NUP153: variants seen among roughly 807,000 people sequenced by gnomAD.
NUP153 encodes the protein nucleoporin 153, also known as nuclear pore complex protein Nup153.
Under a neutral mutation model 134.6 loss-of-function variants are expected in NUP153, and 27 were observed. The ratio of observed to expected loss-of-function variants is 0.20; its 90% CI spans 0.15 to 0.28. The LOEUF is 0.28. Ranked by LOEUF, NUP153 falls within the 10% of genes least tolerant of loss-of-function variation. The pLI is 1.00. For missense variants in NUP153, 1,821 were observed against 1,731.3 expected (o/e 1.05, Z -0.92); for synonymous variants, 640 against 623.5 (o/e 1.03, Z -0.40).
In NUP153 at chr6:17,632,717, A is replaced by G. The variant is rs1765320685; in HGVS notation, c.2592T>C (p.Asn864=). Residue 864 remains asparagine, a synonymous_variant, in exon 17 of 22, where the codon AAT becomes AAC. Transcript: ENST00000262077. ...SWDCELCLVQ[N]KADSTKCLAC... Reference sequence around the variant, plus strand: ...CCAAACATTTGGTAGAGTCTGCCTTATTCTGCACTAGGCACAATTCACAGT... The same window carrying G: ...CCAAACATTTGGTAGAGTCTGCCTTGTTCTGCACTAGGCACAATTCACAGT... 1 of 1,613,826 alleles carries G rather than the reference A, an allele frequency of 6.2e-7. No individual in the cohort carries two copies. Among genetic ancestry groups the G allele is most frequent in the South Asian group, 1.1e-5 (1 of 91,082 alleles).
chr6:17,696,335 G>A (rs938363463), intron 1 of NUP153, among the ~76,000 whole-genome samples: 1 of 152,166 alleles, frequency 6.6e-6, no homozygotes, highest in East Asian at 1.9e-4. Flanking sequence ...TTACTACCAA[G>A]GAAGGCCCAA....
chr6:17,628,957 C>T lies in NUP153; in HGVS notation c.3242G>A (p.Gly1081Glu). The part of the protein sequence containing the change: ...KKEEMPATKG[G>E]FSFGNVEPAS... ...AGGCTCCACGTTGCCAAAAGAGAAT[C>T]CTCCTTTGGTGGCAGGCATTTCTTC... Residue 1081 changes from glycine (G) to glutamate (E), a missense_variant, in exon 18 of 22, where the codon GGA becomes GAA. By Grantham distance (98) the Gly-to-Glu change is moderately conservative. Coordinates refer to ENST00000262077, the MANE Select transcript of NUP153 (RefSeq NM_005124.4). This position sits in a 1 kb window ranked among gnomAD's most constrained non-coding sequence, Gnocchi z 5.4. 1 of 1,614,126 alleles carries T rather than the reference C, an allele frequency of 6.2e-7. No homozygotes were observed. The highest frequency in any genetic ancestry group is 2.2e-5 in the East Asian group (1 of 44,880).
At chr6:17,649,988 G>C (rs1297223282) in intron 11 of NUP153, among the ~76,000 whole-genome samples, 4 of 152,126 alleles carry the variant, frequency 2.6e-5, no homozygotes, top group Non-Finnish European at 4.4e-5. Context: ...GAGGAGTCTG[G>C]AGAGCCACTT....
chr6:17,669,460 C>T lies in NUP153; in HGVS notation c.939G>A (p.Gln313=). Residue 313 remains glutamine, a synonymous_variant, in exon 6 of 22, where the codon CAG becomes CAA. Transcript: ENST00000262077. ...VTSSTARRIL[Q]SLEKMSSPLA... ...AAGGGCTTGACATCTTCTCTAAAGA[C>T]TGCAATATTCGCCGAGCTGTTGAAC... The T allele has an allele frequency of 6.2e-7, 1 of 1,613,962 alleles. No individual in the cohort carries two copies. Among genetic ancestry groups the T allele is most frequent in the East Asian group, 2.2e-5 (1 of 44,878 alleles).
At chr6:17,664,230 G>A (rs184779224) in intron 9 of NUP153, among the ~76,000 whole-genome samples, 1 of 152,274 alleles carries the variant, frequency 6.6e-6, no homozygotes, top group Admixed American at 6.5e-5. Context: ...CAAAGGGTGG[G>A]AGAGATGGTA....
chr6:17,632,502 AC>A, intron 17 of NUP153, 147 bp downstream of exon 17: 1 of 592,246 alleles, frequency 1.7e-6, no homozygotes, highest in Non-Finnish European at 2.8e-6. Context: ...AACAGATATA[AC>A]TAAAACATCT....
chr6:17,626,183 GAAAC>G lies in NUP153; in HGVS notation c.3545-23_3545-20del. The stretch of plus-strand genomic sequence containing the variant: ...CCTTGATCTGTAAGACAGAAATTAA[GAAAC>G]AAACATAAATCCTTAAGAATAGTCT... On this transcript the variant is annotated intron_variant, in intron 18 of 21. Coordinates refer to ENST00000262077, the MANE Select transcript of NUP153 (RefSeq NM_005124.4). The G allele has an allele frequency of 6.4e-7, 1 of 1,571,106 alleles. No individual in the cohort carries two copies. The highest frequency in any genetic ancestry group is 8.7e-7 in the Non-Finnish European group (1 of 1,146,856).
In NUP153 at chr6:17,625,994, C is replaced by G; in HGVS notation, c.3715G>C (p.Ala1239Pro). The G allele has an allele frequency of 6.2e-7, 1 of 1,614,198 alleles. No homozygotes were observed. Residue 1239 changes from alanine (A) to proline (P), a missense_variant, in exon 19 of 22, where the codon GCC (alanine) becomes CCC (proline). Ala to Pro is a conservative substitution (Grantham distance 27). Transcript: ENST00000262077. The surrounding 1 kb of genome is among the most constrained non-coding windows in gnomAD (Gnocchi z 4.7). ...GQSSNPVSSS[A>P]FGNTAESSTS... ...CTGGATTCAGCAGTGTTACCAAAGG[C>G]AGAGCTGCTCACAGGATTGCTGGAC...
chr6:17,616,206 T>G, intron 21 of NUP153, 25 bp from the exon 22 acceptor site: 1 of 1,544,150 alleles, frequency 6.5e-7, no homozygotes, highest in Non-Finnish European at 8.8e-7. Flanking sequence ...AACTTCATAA[T>G]GTGACATGAT....
In NUP153 at chr6:17,649,261, T is replaced by G; in HGVS notation, c.1435A>C (p.Ile479Leu). Residue 479 changes from isoleucine (I) to leucine (L), a missense_variant, in exon 12 of 22, where the codon ATC (isoleucine) becomes CTC (leucine). Ile to Leu is a conservative substitution (Grantham distance 5). Transcript: ENST00000262077. ...AAGGTAGGCAGTGAAGAACTGGTGA[T>G]CGGTAGAGAGATTTTCGGTAATACT... is the stretch of plus-strand genomic sequence containing the variant. ...VPVLPKISLP[I>L]TSSSLPTFNF... The G allele has an allele frequency of 6.2e-7, 1 of 1,613,812 alleles. No homozygotes were observed. The highest frequency in any genetic ancestry group is 8.5e-7 in the Non-Finnish European group (1 of 1,179,882).
At chr6:17,701,015 C>T (rs916476932) in intron 1 of NUP153, among the ~76,000 whole-genome samples, 3 of 152,018 alleles carry the variant, frequency 2.0e-5, no homozygotes, top group East Asian at 1.9e-4. Context: ...CACTTGAGGT[C>T]GGGAGTTCGA....
chr6:17,663,224 GAA>G (rs10588743), intron 9 of NUP153, among the ~76,000 whole-genome samples: 5,929 of 129,208 alleles, frequency 0.046, 190 homozygotes, highest in African/African-American at 0.095. Context: ...ATGCTAAAAA[GAA>G]AAAAATACAC....
In NUP153 at chr6:17,665,655, C is replaced by G. The variant is rs983574633; in HGVS notation, c.1069-270G>C. Among the ~76,000 whole-genome samples, 3 of 152,008 alleles carry G rather than the reference C, an allele frequency of 2.0e-5. No individual in the cohort carries two copies. The East Asian group carries it at 5.8e-4, about 29-fold the overall frequency. ...ATTCCAGACTTAATGACTTTTCACA[C>G]ACATGCATGCATACAAAATGGAACT... On this transcript the variant is annotated intron_variant, in intron 8 of 21. Transcript: ENST00000262077.
chr6:17,643,752 A>G (rs1211865616), intron 14 of NUP153, among the ~76,000 whole-genome samples: 1 of 152,184 alleles, frequency 6.6e-6, no homozygotes, highest in Non-Finnish European at 1.5e-5. Context: ...GTGAGAACAC[A>G]CAACTCTAAA....
intron 11 of NUP153, among the ~76,000 whole-genome samples, chr6:17,650,998 C>T (rs1766468200): frequency 6.6e-6 from 1 of 152,052 alleles, no homozygotes; most frequent in Non-Finnish European, 1.5e-5. Flanking sequence ...CTAAATAGTG[C>T]AAAAGAGGGA....
At chr6:17,703,197 C>CAAAA (rs544859988) in intron 1 of NUP153, among the ~76,000 whole-genome samples, 1 of 67,728 alleles carries the variant, frequency 1.5e-5, no homozygotes, top group Non-Finnish European at 3.0e-5. Context: ...GACTCCATCT[C>CAAAA]AAAAAAAAAA....
At position 17,675,029 on chromosome 6, in the gene NUP153, A is replaced by C. The variant is rs1486554390; in HGVS notation, c.728T>G (p.Leu243Arg). 1.9e-6 allele frequency: 3 copies of C among 1,613,248 alleles called. No homozygotes were observed. Among genetic ancestry groups the C allele is most frequent in the Admixed American group, 3.3e-5 (2 of 59,750 alleles). The change falls in exon 5 of 22, where the codon CTT (leucine) becomes CGT (arginine). Residue 243 changes from leucine (L) to arginine (R), a missense_variant. Coordinates refer to ENST00000262077, the MANE Select transcript of NUP153 (RefSeq NM_005124.4). The surrounding 1 kb of genome is among the most constrained non-coding windows in gnomAD (Gnocchi z 4.4). ...GGTTTTAAGGATTGAAGAATTCCCAAGTGACTGCACAGAAACAGAATGATA... is the reference window on the plus strand; with the variant it reads ...GGTTTTAAGGATTGAAGAATTCCCACGTGACTGCACAGAAACAGAATGATA... Reference protein sequence around the residue: ...LSAFGTLSPSLGNSSILKTSQ... With the variant: ...LSAFGTLSPSRGNSSILKTSQ...
intron 20 of NUP153, among the ~76,000 whole-genome samples, chr6:17,622,532 C>T (rs1337538519): frequency 3.6e-4 from 55 of 152,158 alleles, no homozygotes. Context: ...GAACTGAGAA[C>T]CTCAACCCTA....
At chr6:17,644,117 G>A (rs1403232393) in intron 14 of NUP153, among the ~76,000 whole-genome samples, 2 of 151,170 alleles carry the variant, frequency 1.3e-5, no homozygotes, top group Non-Finnish European at 2.9e-5. Context: ...TCCATAATCT[G>A]GCCTCTTATC....
Sources: gnomAD v4.1 joint callset for allele counts (sites outside exome capture counted in the v4.1 genomes callset) on GRCh38, gnomAD v4.1.1 for gene constraint, Gnocchi (gnomAD v3.1) non-coding constraint, MANE v1.5 for transcripts, NCBI Gene and HGNC (gene_info 2026-07-23, HGNC 2026-07-21) for gene names.